The following KAZN variants were observed in gnomAD, a reference collection of about 807,000 sequenced individuals.
KAZN encodes the protein kazrin.
KAZN carries 40 observed loss-of-function variants against 87.4 expected under a neutral mutation model. That is an observed-to-expected ratio of 0.46 (90% CI 0.36 to 0.60). The LOEUF is 0.60. KAZN is among the 20% of genes least tolerant of loss of function. The pLI is 0.00. For synonymous variants in KAZN, 466 were observed against 458.3 expected (o/e 1.02, Z -0.22); for missense variants, 898 against 1,073.9 (o/e 0.84, Z 2.29).
chr1:14,784,562 C>A (rs1223865992), intron 1 of KAZN, among the ~76,000 whole-genome samples: 5 of 152,130 alleles, frequency 3.3e-5, no homozygotes, highest in Admixed American at 2.6e-4. Context: ...AGTTTGAGAC[C>A]AGCCTGGTCA....
intron 1 of KAZN, among the ~76,000 whole-genome samples, chr1:14,140,357 C>T (rs1386483918): frequency 6.6e-6 from 1 of 151,880 alleles, no homozygotes; most frequent in Non-Finnish European, 1.5e-5. Context: ...CAGCACAAGG[C>T]CTGGCATACA....
intron 1 of KAZN, among the ~76,000 whole-genome samples, chr1:13,896,538 T>C (rs976854561): frequency 2.0e-5 from 3 of 152,186 alleles, no homozygotes; most frequent in Non-Finnish European, 4.4e-5. Flanking sequence ...GCGATCCTTC[T>C]GTCTCAGCCT....
intron 1 of KAZN, among the ~76,000 whole-genome samples, chr1:13,900,270 T>C (rs577072526): frequency 9.4e-4 from 143 of 152,188 alleles, no homozygotes; most frequent in African/African-American, 2.9e-3. Flanking sequence ...AAGAGACACA[T>C]GTGAGGCACA....
At chr1:14,347,347 C>G (rs984071582) in intron 2 of KAZN, among the ~76,000 whole-genome samples, 1 of 152,190 alleles carries the variant, frequency 6.6e-6, no homozygotes, top group African/African-American at 2.4e-5. Context: ...AATCAGACCT[C>G]TCTCCGCAGT....
At chr1:15,005,701 T>C (rs2102043812) in intron 2 of KAZN, among the ~76,000 whole-genome samples, 1 of 151,884 alleles carries the variant, frequency 6.6e-6, no homozygotes, top group East Asian at 1.9e-4. Context: ...GGCAGGAAGA[T>C]CGCTTGAACC....
At position 14,960,726 on chromosome 1, in the gene KAZN, A is replaced by G. The variant is rs1557663250; in HGVS notation, c.269A>G (p.His90Arg). The G allele has an allele frequency of 6.3e-7, 1 of 1,585,486 alleles. No individual in the cohort carries two copies. Among genetic ancestry groups the G allele is most frequent in the Non-Finnish European group, 8.6e-7 (1 of 1,165,112 alleles). ...GTGTCGCGGCTCCAGGAGGAAGTTC[A>G]CCTTCTCCGGCAGATGAAGGAGATG... Reference protein sequence around the residue: ...EEVSRLQEEVHLLRQMKEMLA... With the variant: ...EEVSRLQEEVRLLRQMKEMLA... The change falls in exon 2 of 15, where the codon CAC (histidine) becomes CGC (arginine). Residue 90 changes from histidine to arginine, a missense_variant. Physicochemically the swap from His to Arg is conservative, Grantham distance 29 (BLOSUM62 0). This residue lies in a region of KAZN where 250 missense variants were observed against 263.0 expected (regional missense o/e 0.95). Coordinates refer to ENST00000376030, the MANE Select transcript of KAZN (RefSeq NM_201628.3).
At chr1:14,552,296 C>T (rs1318235291) in intron 2 of KAZN, among the ~76,000 whole-genome samples, 2 of 152,164 alleles carry the variant, frequency 1.3e-5, no homozygotes, top group African/African-American at 4.8e-5. Context: ...CAGAAAGATC[C>T]GGCTAGCAGA....
chr1:13,893,676 C>T (rs1472985186), exon 1 of KAZN: 4 of 1,550,434 alleles, frequency 2.6e-6, no homozygotes, highest in East Asian at 2.4e-5. Flanking sequence ...ATGGAATCCA[C>T]GCTGGCGACA....
At chr1:15,003,157 C>T (rs1490925352) in intron 2 of KAZN, among the ~76,000 whole-genome samples, 1 of 152,108 alleles carries the variant, frequency 6.6e-6, no homozygotes, top group Non-Finnish European at 1.5e-5. Flanking sequence ...ACGTGGCACT[C>T]GTTAGCCTCA....
intron 2 of KAZN, among the ~76,000 whole-genome samples, chr1:14,975,845 C>T (rs984081205): frequency 3.4e-4 from 51 of 152,092 alleles, no homozygotes; most frequent in African/African-American, 1.1e-3. Flanking sequence ...TCCTGGCTAA[C>T]ACGGTGAAAC....
At chr1:14,182,379 T>C (rs1646216286) in intron 2 of KAZN, among the ~76,000 whole-genome samples, 1 of 152,200 alleles carries the variant, frequency 6.6e-6, no homozygotes, top group African/African-American at 2.4e-5. Flanking sequence ...CCTCCTAACA[T>C]TCCAAGATTC....
chr1:15,071,880 A>G (rs1441300039), intron 8 of KAZN, among the ~76,000 whole-genome samples: 1 of 152,178 alleles, frequency 6.6e-6, no homozygotes, highest in Non-Finnish European at 1.5e-5. Flanking sequence ...GGTTTTGAAA[A>G]TTCCTTGTTG....
chr1:13,952,796 A>C (rs1479889570), intron 1 of KAZN, among the ~76,000 whole-genome samples: 3 of 152,204 alleles, frequency 2.0e-5, no homozygotes, highest in African/African-American at 7.2e-5. Context: ...AAATACCAGT[A>C]GTATCAGCTG....
chr1:14,553,255 T>A (rs138950620), intron 2 of KAZN, among the ~76,000 whole-genome samples: 139 of 152,260 alleles, frequency 9.1e-4, no homozygotes, highest in African/African-American at 3.3e-3. Flanking sequence ...TGCACACTTG[T>A]AATCCCAGCT....
chr1:14,965,053 CAG>C lies in KAZN; in HGVS notation c.418+4181_418+4182del, dbSNP rs574729251. Among the ~76,000 whole-genome samples, 158 of 150,236 alleles carry C rather than the reference CAG, an allele frequency of 1.1e-3. 3 individuals carry two copies. In the South Asian group the frequency reaches 0.016, roughly 15 times the overall value. Reference sequence around the variant, plus strand: ...ATTTTTTTCTTTTTTTTTTTTGAGACAGAGTCTCACTCTGTCATCCAGGCTTG... The same window carrying C: ...ATTTTTTTCTTTTTTTTTTTTGAGACAGTCTCACTCTGTCATCCAGGCTTG... On this transcript the variant is annotated intron_variant, in intron 2 of 14. Coordinates refer to ENST00000376030, the MANE Select transcript of KAZN (RefSeq NM_201628.3).
chr1:14,998,436 G>A (rs1031522868), intron 2 of KAZN, among the ~76,000 whole-genome samples: 3 of 152,152 alleles, frequency 2.0e-5, no homozygotes, highest in African/African-American at 7.2e-5. Flanking sequence ...AGACCTTGAG[G>A]GTTCCTCTGG....
chr1:15,050,064 GGTAGAGTAGA>G (rs1192474684), intron 4 of KAZN, among the ~76,000 whole-genome samples: 1 of 79,530 alleles, frequency 1.3e-5, no homozygotes, highest in Non-Finnish European at 2.2e-5. Context: ...GGTAGGGTAG[GGTAGAGTAGA>G]GTAGAGTACA....
intron 1 of KAZN, among the ~76,000 whole-genome samples, chr1:14,625,964 G>A (rs749195511): frequency 1.2e-4 from 19 of 152,130 alleles, no homozygotes; most frequent in Non-Finnish European, 1.6e-4. Flanking sequence ...GGGGACCTAC[G>A]GGATTCTGAG....
Position 15,054,257 on chromosome 1 carries a change from T to C in KAZN, c.727-1834T>C, listed in dbSNP as rs12043188. On this transcript the variant is annotated intron_variant, in intron 4 of 14. Coordinates refer to ENST00000376030, the MANE Select transcript of KAZN (RefSeq NM_201628.3). ...CAGCACTCACAGTGGCCCTGCCATC[T>C]GTAGCTACCCCGGAAACGTCCATGT... 4.3e-3 allele frequency among the ~76,000 whole-genome samples: 650 copies of C among 152,262 alleles called. 3 individuals are homozygous for C. Among genetic ancestry groups the C allele is most frequent in the South Asian group, 0.042 (203 of 4,814 alleles).
Sources: allele counts gnomAD v4.1 joint callset (sites outside exome capture counted in the v4.1 genomes callset), GRCh38; gene constraint gnomAD v4.1.1; regional missense constraint gnomAD v4.1.1; transcripts MANE v1.5; gene names NCBI Gene and HGNC (gene_info 2026-07-23, HGNC 2026-07-21).